The following SCAPER variants were observed in gnomAD, a reference collection of about 807,000 sequenced individuals.
SCAPER encodes the protein S-phase cyclin A associated protein in the ER, also known as S phase cyclin A-associated protein in the endoplasmic reticulum.
A neutral mutation model predicts 182.2 loss-of-function variants in SCAPER; 98 were observed. The ratio of observed to expected loss-of-function variants is 0.54; its 90% CI spans 0.46 to 0.64. The LOEUF (loss-of-function observed/expected upper bound fraction) is 0.64, where lower values mean the gene tolerates loss of function less well. SCAPER is among the 30% of genes least tolerant of loss of function. SCAPER has a pLI of 0.00. For synonymous variants in SCAPER, 605 were observed against 564.6 expected (o/e 1.07, Z -1.01); for missense variants, 1,432 against 1,690.0 (o/e 0.85, Z 2.68).
chr15:76,816,912 A>G (rs2067132569), intron 5 of SCAPER, among the ~76,000 whole-genome samples: 1 of 152,138 alleles, frequency 6.6e-6, no homozygotes, highest in South Asian at 2.1e-4. Context: ...TTGGCCTCCC[A>G]AAGTGCTGGG....
intron 14 of SCAPER, among the ~76,000 whole-genome samples, chr15:76,754,592 A>C (rs1309629772): frequency 1.3e-5 from 2 of 152,096 alleles, no homozygotes; most frequent in Admixed American, 1.3e-4. Flanking sequence ...CAAACAGAAG[A>C]AGCAAAAGCT....
intron 1 of SCAPER, among the ~76,000 whole-genome samples, chr15:76,888,834 A>G (rs966381711): frequency 7.2e-5 from 11 of 152,178 alleles, no homozygotes; most frequent in African/African-American, 2.4e-4. Context: ...GAACACCACA[A>G]ACATACTCCT....
chr15:76,676,658 G>A (rs1262896470), intron 20 of SCAPER, among the ~76,000 whole-genome samples: 2 of 151,838 alleles, frequency 1.3e-5, no homozygotes, highest in Non-Finnish European at 2.9e-5. Flanking sequence ...CATGCATTGA[G>A]ATGATACTAT....
intron 19 of SCAPER, among the ~76,000 whole-genome samples, chr15:76,702,118 G>A (rs1203033654): frequency 1.1e-4 from 17 of 152,050 alleles, no homozygotes; most frequent in African/African-American, 2.4e-4. Flanking sequence ...AGCTGAGATC[G>A]TGCCACTGCA....
chr15:76,901,603 T>C (rs1015692877), intron 1 of SCAPER, among the ~76,000 whole-genome samples: 1 of 152,276 alleles, frequency 6.6e-6, no homozygotes, highest in African/African-American at 2.4e-5. Flanking sequence ...CTTTTGCGTA[T>C]GTTTCAAAAC....
intron 8 of SCAPER, among the ~76,000 whole-genome samples, chr15:76,777,395 A>T (rs975286796): frequency 1.3e-5 from 2 of 152,212 alleles, no homozygotes; most frequent in African/African-American, 2.4e-5. Context: ...AGAGAAATGA[A>T]ATTTAACGAA....
intron 2 of SCAPER, among the ~76,000 whole-genome samples, chr15:76,862,812 A>G (rs1242656636): frequency 1.3e-5 from 2 of 152,210 alleles, no homozygotes; most frequent in African/African-American, 2.4e-5. Flanking sequence ...CTGTGGACTA[A>G]TATCTGCACC....
chr15:76,678,737 C>G (rs1448151808), intron 20 of SCAPER, among the ~76,000 whole-genome samples: 1 of 151,998 alleles, frequency 6.6e-6, no homozygotes, highest in African/African-American at 2.4e-5. Context: ...TAAAGGAACA[C>G]TCACCTAAAA....
intron 5 of SCAPER, among the ~76,000 whole-genome samples, chr15:76,822,009 G>A (rs942479971): frequency 1.3e-5 from 2 of 152,152 alleles, no homozygotes. Flanking sequence ...GGGGGACTGG[G>A]GAAGAATTAA....
At position 76,482,574 on chromosome 15, in the gene SCAPER, A is replaced by C. The variant is rs531438001; in HGVS notation, c.2955-11239T>G. Among the ~76,000 whole-genome samples, 75 of 152,294 alleles carry C rather than the reference A, an allele frequency of 4.9e-4. 1 individual carries two copies. In the South Asian group the frequency reaches 0.012, roughly 24 times the overall value. Reference sequence around the variant, plus strand: ...GAAGAAGTAAAGCTTTACTTGTTTGAAGATGATATGATGGTCTATGTAGGA... The same window carrying C: ...GAAGAAGTAAAGCTTTACTTGTTTGCAGATGATATGATGGTCTATGTAGGA... On this transcript the variant is annotated intron_variant, in intron 24 of 31. Coordinates refer to ENST00000563290, the MANE Select transcript of SCAPER (RefSeq NM_020843.4).
chr15:76,766,434 C>A (rs2063122116), intron 11 of SCAPER, among the ~76,000 whole-genome samples: 1 of 151,954 alleles, frequency 6.6e-6, no homozygotes, highest in Non-Finnish European at 1.5e-5. Context: ...AATACCTTAG[C>A]TTCATCTTCA....
At chr15:76,567,470 T>C (rs2047122053) in intron 23 of SCAPER, 3 of 362,360 alleles carry the variant, frequency 8.3e-6, no homozygotes, top group Non-Finnish European at 1.7e-5. Context: ...GTTTGCTACA[T>C]GGTAGGCTCA....
At chr15:76,793,142 T>C in intron 8 of SCAPER, 1 of 848,532 alleles carries the variant, frequency 1.2e-6, no homozygotes, top group South Asian at 2.0e-5. Context: ...GGTCACTCTA[T>C]CATCTTTAAC....
chr15:76,558,220 G>A (rs1461179460), intron 23 of SCAPER, among the ~76,000 whole-genome samples: 1 of 152,094 alleles, frequency 6.6e-6, no homozygotes, highest in Admixed American at 6.5e-5. Context: ...ACCACCCACA[G>A]AATGGGAGAT....
intron 2 of SCAPER, among the ~76,000 whole-genome samples, chr15:76,881,215 C>A (rs1206073635): frequency 6.6e-6 from 1 of 152,184 alleles, no homozygotes; most frequent in Non-Finnish European, 1.5e-5. Context: ...CATGCCTCAG[C>A]CTCTCATGTA....
At chr15:76,557,618 T>C (rs2046287544) in intron 23 of SCAPER, among the ~76,000 whole-genome samples, 2 of 152,152 alleles carry the variant, frequency 1.3e-5, no homozygotes, top group Admixed American at 6.6e-5. Context: ...TGCTCCCCCT[T>C]TGCCTTCCAC....
intron 5 of SCAPER, among the ~76,000 whole-genome samples, chr15:76,821,666 C>A (rs1340320841): frequency 6.6e-6 from 1 of 151,976 alleles, no homozygotes. Flanking sequence ...CACGGTGGCT[C>A]ACACCCGTAA....
intron 29 of SCAPER, among the ~76,000 whole-genome samples, chr15:76,365,258 TAA>T (rs1414218619): frequency 6.6e-6 from 1 of 152,214 alleles, no homozygotes; most frequent in Non-Finnish European, 1.5e-5. Context: ...GGGCATTTTG[TAA>T]AAGCTGATAA....
chr15:76,849,567 G>A lies in SCAPER; in HGVS notation c.196-7636C>T, dbSNP rs189300408. ...GAGCTGCAGTGGGCAGCCTGGGAGC[G>A]TCAAGCCACAATCTAAAGGCAATGG... On this transcript the variant is annotated intron_variant, in intron 4 of 31. Transcript: ENST00000563290. Among the ~76,000 whole-genome samples the A allele has an allele frequency of 2.0e-4, 31 of 152,270 alleles. No homozygotes were observed. The East Asian group carries it at 3.7e-3, about 18-fold the overall frequency.
Sources: allele counts gnomAD v4.1 joint callset (sites outside exome capture counted in the v4.1 genomes callset), GRCh38; gene constraint gnomAD v4.1.1; transcripts MANE v1.5; gene names NCBI Gene and HGNC (gene_info 2026-07-23, HGNC 2026-07-21).